UTRN: variants seen among roughly 807,000 people sequenced by gnomAD.
UTRN encodes the protein dystrophin-related protein 1.
A neutral mutation model predicts 463.9 loss-of-function variants in UTRN; 283 were observed. The observed-to-expected ratio is 0.61, with a 90% CI of 0.55 to 0.67. The LOEUF is 0.67. UTRN is among the 30% of genes least tolerant of loss of function. The pLI is 0.00. For missense variants in UTRN, 3,922 were observed against 4,084.3 expected, an observed-to-expected ratio of 0.96 and a Z score of 1.08; for synonymous variants, 1,442 against 1,431.5, an observed-to-expected ratio of 1.01 and a Z score of -0.17.
chr6:144,308,453 C>T (rs1473691559), intron 2 of UTRN, among the ~76,000 whole-genome samples: 1 of 152,048 alleles, frequency 6.6e-6, no homozygotes. Flanking sequence ...CCACGCCTGG[C>T]TAATTTTTGT....
intron 51 of UTRN, among the ~76,000 whole-genome samples, chr6:144,604,840 G>A (rs761835674): frequency 4.6e-5 from 7 of 152,148 alleles, no homozygotes; most frequent in South Asian, 2.1e-4. Context: ...ACTTGAACGC[G>A]GGAGGCAGAG....
At chr6:144,527,665 A>T (rs547731628) in intron 41 of UTRN, among the ~76,000 whole-genome samples, 14 of 152,188 alleles carry the variant, frequency 9.2e-5, no homozygotes, top group Admixed American at 9.2e-4. Context: ...CCCAAACTTC[A>T]TGGAGGCTTT....
At chr6:144,677,658 T>G (rs1781777271) in intron 51 of UTRN, among the ~76,000 whole-genome samples, 1 of 152,174 alleles carries the variant, frequency 6.6e-6, no homozygotes. Flanking sequence ...TCAAATGGTA[T>G]TTTTGGTTCT....
intron 2 of UTRN, among the ~76,000 whole-genome samples, chr6:144,365,846 T>A (rs1393430222): frequency 1.3e-5 from 2 of 152,220 alleles, no homozygotes; most frequent in Non-Finnish European, 1.5e-5. Context: ...CAAGTGATTC[T>A]CCTGCTTCGG....
chr6:144,851,208 CT>C lies in UTRN; in HGVS notation c.*213del. 3.3e-6 allele frequency: 2 copies of C among 608,960 alleles called. No individual in the cohort carries two copies. The highest frequency in any genetic ancestry group is 4.3e-5 in the South Asian group (2 of 46,528). The allele number at this position is 608,960 out of a possible 1,614,324, so 37.7% of individuals were successfully genotyped here. ...TATAATAACCATATATTATTGTTTT[CT>C]TCTTCCCTTTCTATGCAAGTGTAAA... is the stretch of plus-strand genomic sequence containing the variant. On this transcript the variant is annotated 3_prime_UTR_variant, in exon 75 of 75. Coordinates refer to ENST00000367545, the MANE Select transcript of UTRN (RefSeq NM_007124.3).
At chr6:144,727,467 A>C (rs1286230576) in intron 53 of UTRN, among the ~76,000 whole-genome samples, 1 of 152,200 alleles carries the variant, frequency 6.6e-6, no homozygotes, top group African/African-American at 2.4e-5. Flanking sequence ...AAGAATCTTT[A>C]CCACTCCTGA....
intron 51 of UTRN, among the ~76,000 whole-genome samples, chr6:144,666,831 G>T (rs1208843064): frequency 6.6e-6 from 1 of 152,164 alleles, no homozygotes; most frequent in Non-Finnish European, 1.5e-5. Context: ...CCTTGGTTGG[G>T]CCAGCTATGC....
Position 144,474,665 on chromosome 6 carries a change from C to A in UTRN, c.3242C>A (p.Thr1081Asn). The A allele has an allele frequency of 6.2e-7, 1 of 1,613,874 alleles. No individual in the cohort carries two copies. The highest frequency in any genetic ancestry group is 8.5e-7 in the Non-Finnish European group (1 of 1,179,914). ...CTGAAAAACATGAAGGAAATAGAGA[C>A]TAATCTTCGAAGTGGTCCAGTTGCT... ...SSLKNMKEIE[T>N]NLRSGPVAGI... Residue 1081 changes from threonine (T) to asparagine (N), a missense_variant, in exon 25 of 75, where the codon ACT becomes AAT. Thr to Asn is a moderately conservative substitution (Grantham distance 65). This residue lies in a region of UTRN where 2,349 missense variants were observed against 2,303.8 expected (regional missense o/e 1.02). Coordinates refer to ENST00000367545, the MANE Select transcript of UTRN (RefSeq NM_007124.3).
chr6:144,344,302 C>T (rs1423009043), intron 2 of UTRN: 1 of 1,304,068 alleles, frequency 7.7e-7, no homozygotes, highest in African/African-American at 1.5e-5. Flanking sequence ...AAGCGATTAC[C>T]AGGTAAGTTT....
intron 62 of UTRN, among the ~76,000 whole-genome samples, chr6:144,789,568 G>T (rs750060249): frequency 6.6e-6 from 1 of 152,058 alleles, no homozygotes; most frequent in Non-Finnish European, 1.5e-5. Flanking sequence ...CATAATGTAG[G>T]CATTTGAGAT....
chr6:144,570,456 A>G (rs1800834347), intron 50 of UTRN, among the ~76,000 whole-genome samples: 1 of 152,176 alleles, frequency 6.6e-6, no homozygotes, highest in African/African-American at 2.4e-5. Flanking sequence ...GATGAAGACA[A>G]TCCTTGCCCA....
chr6:144,421,448 G>A (rs1291142911), intron 3 of UTRN, among the ~76,000 whole-genome samples: 1 of 152,054 alleles, frequency 6.6e-6, no homozygotes, highest in Non-Finnish European at 1.5e-5. Flanking sequence ...CCAGCACTTT[G>A]GGAGGCCGAG....
chr6:144,375,327 G>A (rs1237682644), intron 2 of UTRN, among the ~76,000 whole-genome samples: 28 of 152,176 alleles, frequency 1.8e-4, no homozygotes, highest in Non-Finnish European at 1.5e-5. Flanking sequence ...TGATATTTAT[G>A]CAAGTGTGTA....
At chr6:144,564,213 T>TGGA (rs906071951) in intron 50 of UTRN, among the ~76,000 whole-genome samples, 8 of 152,090 alleles carry the variant, frequency 5.3e-5, no homozygotes, top group African/African-American at 1.9e-4. Context: ...GAGGTTGTTT[T>TGGA]GGAGGTAAGA....
At chr6:144,631,233 GAGAGGT>G (rs566960081) in intron 51 of UTRN, among the ~76,000 whole-genome samples, 269 of 123,662 alleles carry the variant, frequency 2.2e-3, no homozygotes, top group Middle Eastern at 4.2e-3. Context: ...GTGTGAGAGA[GAGAGGT>G]GTGTGTGTGT....
rs1786627783 is a variant in UTRN, at chr6:144,436,995, C to T, written c.1060-570C>T. On this transcript the variant is annotated intron_variant, in intron 10 of 74. Transcript: ENST00000367545. ...TTTAACAGAGTCTTACTCTGTCACC[C>T]AGGCTGGAGTGCAGTGGCACAATCT... Among the ~76,000 whole-genome samples the T allele has an allele frequency of 2.7e-5, 4 of 149,582 alleles. No individual in the cohort carries two copies. In the South Asian group the frequency reaches 8.4e-4, roughly 31 times the overall value.
chr6:144,848,766 G>A (rs1455909482), intron 74 of UTRN, among the ~76,000 whole-genome samples: 2 of 152,162 alleles, frequency 1.3e-5, no homozygotes, highest in African/African-American at 4.8e-5. Flanking sequence ...TCATCTCCAT[G>A]GGTGTTGAAA....
intron 58 of UTRN, chr6:144,758,423 A>G (rs1212999538): frequency 6.6e-6 from 1 of 152,582 alleles, no homozygotes; most frequent in East Asian, 1.9e-4. Context: ...AAATCCATAT[A>G]AAAATGTCTT....
At chr6:144,628,488 A>T (rs958350055) in intron 51 of UTRN, among the ~76,000 whole-genome samples, 4 of 152,182 alleles carry the variant, frequency 2.6e-5, no homozygotes, top group African/African-American at 9.6e-5. Flanking sequence ...AATTCCACTG[A>T]AATGCTTCTC....
Sources: allele counts gnomAD v4.1 joint callset (sites outside exome capture counted in the v4.1 genomes callset), GRCh38; gene constraint gnomAD v4.1.1; regional missense constraint gnomAD v4.1.1; transcripts MANE v1.5; gene names NCBI Gene and HGNC (gene_info 2026-07-23, HGNC 2026-07-21).